DLGAP3: variants seen among roughly 807,000 people sequenced by gnomAD.
The protein encoded by DLGAP3 is DLG associated protein 3.
Under a neutral mutation model 81.2 loss-of-function variants are expected in DLGAP3, and 17 were observed. The ratio of observed to expected loss-of-function variants is 0.21; its 90% CI spans 0.14 to 0.31. DLGAP3 has a LOEUF of 0.31. Among genes scored for constraint, DLGAP3 ranks in the 10% least tolerant of loss-of-function variants. The pLI, the probability that DLGAP3 is intolerant of heterozygous loss-of-function variation, is 1.00. For synonymous variants in DLGAP3, 577 were observed against 587.4 expected, an observed-to-expected ratio of 0.98 and a Z score of 0.26; for missense variants, 1,124 against 1,388.0, an observed-to-expected ratio of 0.81 and a Z score of 3.02.
intron 1 of DLGAP3, among the ~76,000 whole-genome samples, chr1:34,908,600 G>A (rs2148414578): frequency 1.3e-5 from 2 of 152,308 alleles, no homozygotes; most frequent in Non-Finnish European, 2.9e-5. Context: ...TTAGACACAG[G>A]GATGTCAGGA....
intron 1 of DLGAP3, among the ~76,000 whole-genome samples, chr1:34,911,010 T>C (rs1033231822): frequency 2.5e-5 from 3 of 118,500 alleles, no homozygotes; most frequent in African/African-American, 5.7e-5. Context: ...TTCCAAAGGA[T>C]AGATATTATC....
chr1:34,894,299 A>G (rs1178516031), intron 5 of DLGAP3, among the ~76,000 whole-genome samples: 1 of 151,716 alleles, frequency 6.6e-6, no homozygotes, highest in Non-Finnish European at 1.5e-5. Context: ...TGCTGTCTAC[A>G]GGAGACATAC....
chr1:34,866,251 C>G lies in DLGAP3; in HGVS notation c.2772G>C (p.Arg924=), dbSNP rs1408474630. The change falls in exon 12 of 12, where the codon CGG becomes CGC. Residue 924 remains arginine, a synonymous_variant. Transcript: ENST00000373347. ...PPIPKKPLRG[R]GVPVKERSLD... Reference sequence around the variant, plus strand: ...GGGAGCGCTCCTTCACCGGCACGCCCCGGCCCCGCAGGGGCTTCTTTGGTA... The same window carrying G: ...GGGAGCGCTCCTTCACCGGCACGCCGCGGCCCCGCAGGGGCTTCTTTGGTA... 1 of 1,564,888 alleles carries G rather than the reference C, an allele frequency of 6.4e-7. No individual in the cohort carries two copies. The highest frequency in any genetic ancestry group is 8.6e-7 in the Non-Finnish European group (1 of 1,157,950).
At chr1:34,878,126 G>A (rs1346491383) in intron 8 of DLGAP3, among the ~76,000 whole-genome samples, 3 of 152,056 alleles carry the variant, frequency 2.0e-5, no homozygotes, top group African/African-American at 2.4e-5. Flanking sequence ...CCAACATGGC[G>A]AAACCCTGTC....
chr1:34,881,075 T>C (rs1246037271), intron 8 of DLGAP3, among the ~76,000 whole-genome samples: 1 of 152,216 alleles, frequency 6.6e-6, no homozygotes, highest in Non-Finnish European at 1.5e-5. Context: ...ATCTTAGCTC[T>C]AATACCTGAA....
At position 34,905,203 on chromosome 1, in the gene DLGAP3, C is replaced by A; in HGVS notation, c.181G>T (p.Gly61Trp). 6.3e-7 allele frequency: 1 copy of A among 1,591,892 alleles called. No homozygotes were observed. The highest frequency in any genetic ancestry group is 2.3e-5 in the East Asian group (1 of 43,988). ...GGCCCCTCACTCAGGCTCAGGGGCC[C>A]TTCAGGAGAAATGTGTCCCAGGCCA... ...RAGLGHISPE[G>W]PLSLSEGPSV... The change falls in exon 3 of 12, where the codon GGG becomes TGG. Residue 61 changes from glycine (G) to tryptophan (W), a missense_variant. Coordinates refer to ENST00000373347, the MANE Select transcript of DLGAP3 (RefSeq NM_001080418.3).
rs187989311 is a variant in DLGAP3 at position 34,865,925 on chromosome 1, A to G, written c.*158T>C. On this transcript the variant is annotated 3_prime_UTR_variant, in exon 12 of 12. Transcript: ENST00000373347. ...CGCCTTCGCGTGGGATCAGGAAGGT[A>G]AAAAACCCACGAGAGTGTGACGGGC... 2.7e-6 allele frequency: 2 copies of G among 728,824 alleles called. No individual in the cohort carries two copies. The highest frequency in any genetic ancestry group is 4.7e-6 in the Non-Finnish European group (2 of 425,328). The allele number at this position is 728,824 out of a possible 1,614,324, so 45.1% of individuals were successfully genotyped here. A position where few individuals can be genotyped will look rare whatever the true frequency, so the allele number is the denominator to read the frequency against.
At chr1:34,885,150 C>A in intron 7 of DLGAP3, 87 bp from the exon 8 acceptor site, 1 of 1,296,550 alleles carries the variant, frequency 7.7e-7, no homozygotes, top group Non-Finnish European at 1.1e-6. Flanking sequence ...GGCTGCGCCC[C>A]AAGCCAGCTG....
intron 8 of DLGAP3, among the ~76,000 whole-genome samples, chr1:34,880,006 A>T (rs1163676372): frequency 6.6e-6 from 1 of 152,250 alleles, no homozygotes; most frequent in East Asian, 1.9e-4. Context: ...AGTTTTTTTC[A>T]AAGACGAATA....
intron 8 of DLGAP3, among the ~76,000 whole-genome samples, chr1:34,878,275 C>T (rs746251796): frequency 2.6e-5 from 4 of 152,012 alleles, no homozygotes; most frequent in Non-Finnish European, 4.4e-5. Flanking sequence ...CAATGCACTC[C>T]AGCCTGGGTG....
At chr1:34,919,517 A>G (rs1639767309) in intron 1 of DLGAP3, among the ~76,000 whole-genome samples, 1 of 152,104 alleles carries the variant, frequency 6.6e-6, no homozygotes, top group Non-Finnish European at 1.5e-5. Context: ...AGTGACTCAT[A>G]CCTGTAATCC....
At chr1:34,924,783 G>T (rs1275218186) in intron 1 of DLGAP3, among the ~76,000 whole-genome samples, 1 of 152,234 alleles carries the variant, frequency 6.6e-6, no homozygotes, top group African/African-American at 2.4e-5. Context: ...CAGCAAAAGG[G>T]GAGAGGGGCC....
At chr1:34,894,248 T>A (rs1639353771) in intron 5 of DLGAP3, among the ~76,000 whole-genome samples, 1 of 124,192 alleles carries the variant, frequency 8.1e-6, no homozygotes. Flanking sequence ...TCAAAAGGCA[T>A]AGTGATAAGA....
chr1:34,926,700 C>T (rs1486129421), intron 1 of DLGAP3, among the ~76,000 whole-genome samples: 1 of 152,090 alleles, frequency 6.6e-6, no homozygotes, highest in Non-Finnish European at 1.5e-5. Flanking sequence ...TAAAAAACAA[C>T]CAAATACGGG....
chr1:34,892,581 A>G (rs2148405926), intron 5 of DLGAP3, among the ~76,000 whole-genome samples: 1 of 152,290 alleles, frequency 6.6e-6, no homozygotes, highest in East Asian at 1.9e-4. Context: ...AGGCACAATC[A>G]TAACATAGTG....
intron 8 of DLGAP3, among the ~76,000 whole-genome samples, chr1:34,882,903 T>C (rs960703709): frequency 1.3e-5 from 2 of 152,282 alleles, no homozygotes; most frequent in East Asian, 3.9e-4. Context: ...CAGTTCCCGA[T>C]GCATGTCAAA....
chr1:34,877,791 C>T (rs549489797), intron 8 of DLGAP3, among the ~76,000 whole-genome samples: 6 of 152,118 alleles, frequency 3.9e-5, no homozygotes, highest in African/African-American at 1.4e-4. Context: ...GAAATCACTA[C>T]TAAAATGTAA....
intron 1 of DLGAP3, among the ~76,000 whole-genome samples, chr1:34,924,924 C>T (rs914386054): frequency 3.3e-5 from 5 of 152,186 alleles, no homozygotes; most frequent in African/African-American, 1.2e-4. Flanking sequence ...AGTGAGCCCT[C>T]CCCACTGCCC....
rs144310629 is a variant in DLGAP3 at position 34,899,843 on chromosome 1, A to T, written c.1314-102T>A. ...CCCCTGAGTAAGTCCTATTCCTCAG[A>T]ACCCCCAAAGAGAGATCCCTTAGGA... On this transcript the variant is annotated intron_variant, in intron 4 of 11. Coordinates refer to ENST00000373347, the MANE Select transcript of DLGAP3 (RefSeq NM_001080418.3). 462 of 1,167,158 alleles carry T rather than the reference A, an allele frequency of 4.0e-4. 4 individuals are homozygous for T. The highest frequency in any genetic ancestry group is 3.6e-3 in the African/African-American group (239 of 66,574). 72.3% of individuals were successfully genotyped at this position (1,167,158 alleles called of 1,614,324 possible). A position where few individuals can be genotyped will look rare whatever the true frequency, so the allele number is the denominator to read the frequency against.
Sources: allele counts gnomAD v4.1 joint callset (sites outside exome capture counted in the v4.1 genomes callset), GRCh38; gene constraint gnomAD v4.1.1; transcripts MANE v1.5; gene names NCBI Gene and HGNC (gene_info 2026-07-23, HGNC 2026-07-21).